TCF4: variants seen among roughly 807,000 people sequenced by gnomAD.
TCF4 encodes the protein SL3-3 enhancer factor 2.
A neutral mutation model predicts 82.1 loss-of-function variants in TCF4; 3 were observed. The ratio of observed to expected loss-of-function variants is 0.04; its 90% confidence interval spans 0.02 to 0.09. The LOEUF is 0.09. TCF4 is among the 10% of genes least tolerant of loss of function. The pLI, the probability that TCF4 is intolerant of heterozygous loss-of-function variation, is 1.00. For synonymous variants in TCF4, 276 were observed against 309.6 expected (o/e 0.89, Z 1.14); for missense variants, 518 against 852.7 (o/e 0.61, Z 4.89).
intron 3 of TCF4, among the ~76,000 whole-genome samples, chr18:55,562,333 G>T (rs916670147): frequency 4.6e-5 from 7 of 152,176 alleles, no homozygotes; most frequent in African/African-American, 1.7e-4. Context: ...GTCCTTTATA[G>T]ATACCTATAT....
At chr18:55,396,062 T>A (rs987787523) in intron 6 of TCF4, among the ~76,000 whole-genome samples, 6 of 152,164 alleles carry the variant, frequency 3.9e-5, no homozygotes, top group African/African-American at 1.4e-4. Context: ...GTAGATACTG[T>A]GTCAGGCCCA....
At chr18:55,443,420 G>A (rs1034249258) in intron 5 of TCF4, among the ~76,000 whole-genome samples, 6 of 152,144 alleles carry the variant, frequency 3.9e-5, no homozygotes, top group African/African-American at 7.2e-5. Context: ...GTGTTAACCC[G>A]AATTTTCACA....
intron 6 of TCF4, among the ~76,000 whole-genome samples, chr18:55,374,730 C>T (rs1386852472): frequency 6.6e-6 from 1 of 151,782 alleles, no homozygotes; most frequent in Non-Finnish European, 1.5e-5. Flanking sequence ...CGAAACTCCG[C>T]CTCCACAAAA....
chr18:55,602,208 T>C (rs949314519), intron 2 of TCF4, among the ~76,000 whole-genome samples: 1 of 152,226 alleles, frequency 6.6e-6, no homozygotes, highest in African/African-American at 2.4e-5. Flanking sequence ...TTGAGGAAAC[T>C]GAGGCAGAGA....
chr18:55,451,378 G>T (rs2095619960), intron 5 of TCF4, among the ~76,000 whole-genome samples: 1 of 152,140 alleles, frequency 6.6e-6, no homozygotes, highest in South Asian at 2.1e-4. Context: ...TCCTCACCTG[G>T]GAAACCAGAA....
At chr18:55,420,263 A>T (rs760532637) in intron 5 of TCF4, among the ~76,000 whole-genome samples, 4 of 152,204 alleles carry the variant, frequency 2.6e-5, no homozygotes, top group Non-Finnish European at 4.4e-5. Flanking sequence ...CATCTTTATC[A>T]TCAGCTCAAG....
chr18:55,322,254 CCTCTCT>C, intron 8 of TCF4: 1 of 1,056,250 alleles, frequency 9.5e-7, no homozygotes, highest in Non-Finnish European at 1.1e-6. Context: ...TCTCTCTCTC[CCTCTCT>C]TTCTTTTTTG....
chr18:55,497,488 T>C (rs1464271821), intron 3 of TCF4, among the ~76,000 whole-genome samples: 1 of 152,214 alleles, frequency 6.6e-6, no homozygotes, highest in Non-Finnish European at 1.5e-5. Flanking sequence ...TTATTTCATA[T>C]TTGCATAAGG....
chr18:55,391,787 A>G (rs1162217842), intron 6 of TCF4, among the ~76,000 whole-genome samples: 1 of 150,690 alleles, frequency 6.6e-6, no homozygotes, highest in Non-Finnish European at 1.5e-5. Context: ...TTAAAAAAAA[A>G]CTTAGCCAGC....
chr18:55,501,562 G>A (rs185076123), intron 3 of TCF4, among the ~76,000 whole-genome samples: 8 of 152,214 alleles, frequency 5.3e-5, no homozygotes, highest in Admixed American at 3.9e-4. Context: ...CTTTTGAGTA[G>A]CAACTAACAC....
At chr18:55,308,369 T>C (rs1034840115) in intron 8 of TCF4, among the ~76,000 whole-genome samples, 5 of 152,108 alleles carry the variant, frequency 3.3e-5, no homozygotes, top group African/African-American at 1.2e-4. Context: ...ACCCAAATGG[T>C]GAATATTGAA....
At chr18:55,511,527 T>C (rs10164037) in intron 3 of TCF4, among the ~76,000 whole-genome samples, 8 of 152,202 alleles carry the variant, frequency 5.3e-5, no homozygotes, top group African/African-American at 1.9e-4. Flanking sequence ...GATATACAAA[T>C]TGTACCAAGT....
At chr18:55,489,278 A>G (rs2096550685) in intron 3 of TCF4, among the ~76,000 whole-genome samples, 3 of 152,188 alleles carry the variant, frequency 2.0e-5, no homozygotes, top group African/African-American at 7.2e-5. Flanking sequence ...ATGGGGCCCA[A>G]AAGTCTGAAT....
At chr18:55,525,236 C>T in intron 3 of TCF4, among the ~76,000 whole-genome samples, 1 of 142,316 alleles carries the variant, frequency 7.0e-6, no homozygotes, top group African/African-American at 2.6e-5. Flanking sequence ...CATTTTGAAT[C>T]AAAAAAAAAA....
intron 3 of TCF4, among the ~76,000 whole-genome samples, chr18:55,508,183 T>C (rs1032899601): frequency 4.6e-5 from 7 of 152,134 alleles, no homozygotes; most frequent in Admixed American, 1.3e-4. Context: ...AAATAACACC[T>C]TATTATTTGA....
chr18:55,348,096 G>T, intron 8 of TCF4, among the ~76,000 whole-genome samples: 1 of 152,104 alleles, frequency 6.6e-6, no homozygotes. Context: ...ACCTTTTTTG[G>T]AATCAAGTTA....
At chr18:55,254,261 G>T (rs1347779423) in intron 15 of TCF4, among the ~76,000 whole-genome samples, 1 of 152,168 alleles carries the variant, frequency 6.6e-6, no homozygotes, top group Non-Finnish European at 1.5e-5. Flanking sequence ...GGGCAACGGG[G>T]ATTCTTTTCT....
chr18:55,238,116 G>A (rs1051329051), intron 15 of TCF4, among the ~76,000 whole-genome samples: 1 of 152,206 alleles, frequency 6.6e-6, no homozygotes, highest in Non-Finnish European at 1.5e-5. Context: ...GGAGAAAGGA[G>A]ATTCCCACAA....
At chr18:55,546,427 T>C (rs1372685040) in intron 3 of TCF4, among the ~76,000 whole-genome samples, 1 of 152,198 alleles carries the variant, frequency 6.6e-6, no homozygotes, top group Non-Finnish European at 1.5e-5. Context: ...AAAAGAATCA[T>C]AATGAAGAGT....
Sources: allele counts gnomAD v4.1 joint callset (sites outside exome capture counted in the v4.1 genomes callset), GRCh38; gene constraint gnomAD v4.1.1; transcripts MANE v1.5; gene names NCBI Gene and HGNC (gene_info 2026-07-23, HGNC 2026-07-21).